EVPL: variants seen among roughly 807,000 people sequenced by gnomAD.
EVPL encodes 210 kDa cornified envelope precursor protein.
EVPL carries 94 observed loss-of-function variants against 129.7 expected under a neutral mutation model. The observed-to-expected ratio is 0.72, with a 90% CI of 0.61 to 0.86. The LOEUF (loss-of-function observed/expected upper bound fraction) is 0.86. Ranked by LOEUF, EVPL falls within the 40% of genes least tolerant of loss-of-function variation. EVPL has a pLI of 0.00. For missense variants in EVPL, 2,625 were observed against 2,721.1 expected (o/e 0.96, Z 0.79); for synonymous variants, 1,172 against 1,191.1 (o/e 0.98, Z 0.33).
rs2066394434 is a variant in EVPL, at chr17:76,013,500, GCT to G, written c.2373+924_2373+925del. Among the ~76,000 whole-genome samples the G allele has an allele frequency of 1.3e-5, 2 of 152,196 alleles. No individual in the cohort carries two copies. The highest frequency in any genetic ancestry group is 1.9e-4 in the East Asian group (1 of 5,174). ...CGGCCCCATTCCTCTCCCCAAATATGCTCTGTTTCCTGTGTTCCCGCCTCAAG... is the reference window on the plus strand; with the variant it reads ...CGGCCCCATTCCTCTCCCCAAATATGCTGTTTCCTGTGTTCCCGCCTCAAG... On this transcript the variant is annotated intron_variant, in intron 18 of 21. Coordinates refer to ENST00000301607, the MANE Select transcript of EVPL (RefSeq NM_001988.4). This position sits in a 1 kb window ranked among gnomAD's most constrained non-coding sequence, Gnocchi z 4.3.
chr17:76,021,893 G>C lies in EVPL; in HGVS notation c.781C>G (p.Pro261Ala). 4 of 1,561,002 alleles carry C rather than the reference G, an allele frequency of 2.6e-6. No individual in the cohort carries two copies. Among genetic ancestry groups the C allele is most frequent in the Non-Finnish European group, 3.4e-6 (4 of 1,160,606 alleles). Residue 261 changes from proline (P) to alanine (A), a missense_variant, in exon 7 of 22, where the codon CCT becomes GCT. This residue lies in a region of EVPL where 1,024 missense variants were observed against 997.5 expected (regional missense o/e 1.03). Transcript: ENST00000301607. ...TCGTACTCCCGCCGCACGCCCGCAG[G>C]GTCGGCCATGAGGTCGCTCCAGTCC... ...QQDWSDLMAD[P>A]AGVRREYEHF...
Position 76,014,902 on chromosome 17 carries a change from AC to A in EVPL, c.2222+13del. 6.4e-7 allele frequency: 1 copy of A among 1,570,742 alleles called. No homozygotes were observed. Among genetic ancestry groups the A allele is most frequent in the Non-Finnish European group, 8.7e-7 (1 of 1,155,804 alleles). ...CCAGCCCACACCCTGTGCCCCGAGG[AC>A]CCAGTCGCTCACCGCAGGTCCAGCT... On this transcript the variant is annotated intron_variant, in intron 17 of 21. Coordinates refer to ENST00000301607, the MANE Select transcript of EVPL (RefSeq NM_001988.4).
At position 76,019,510 on chromosome 17, in the gene EVPL, CT is replaced by C; in HGVS notation, c.1137+17del. ...TTCCCAGAAGTGGGGTGCAGACGGC[CT>C]GGTGGGGTTGTCTCACCTCCAGCTG... On this transcript the variant is annotated intron_variant, in intron 10 of 21. Transcript: ENST00000301607. 1 of 1,541,650 alleles carries C rather than the reference CT, an allele frequency of 6.5e-7. No homozygotes were observed. The highest frequency in any genetic ancestry group is 1.4e-5 in the African/African-American group (1 of 70,742).
At chr17:76,020,680 C>T (rs1193795491) in intron 9 of EVPL, among the ~76,000 whole-genome samples, 2 of 151,854 alleles carry the variant, frequency 1.3e-5, no homozygotes, top group African/African-American at 2.4e-5. Context: ...TTTCCCCCCA[C>T]CTCATCCCCA....
Position 76,009,130 on chromosome 17 carries a change from G to A in EVPL, c.4075C>T (p.Leu1359=). The part of the protein sequence containing the change: ...DAVYELQSKR[L]LLERRKPEEK... ...TCGGGCTTCCTCCTCTCCAGCAGCA[G>A]GCGCTTGCTCTGCAGCTCGTACACC... Residue 1359 remains leucine, a synonymous_variant, in exon 22 of 22, where the codon CTG becomes TTG. Coordinates refer to ENST00000301607, the MANE Select transcript of EVPL (RefSeq NM_001988.4). This position sits in a 1 kb window ranked among gnomAD's most constrained non-coding sequence, Gnocchi z 5.9. 6.2e-7 allele frequency: 1 copy of A among 1,612,668 alleles called. No individual in the cohort carries two copies. Among genetic ancestry groups the A allele is most frequent in the Non-Finnish European group, 8.5e-7 (1 of 1,179,500 alleles).
chr17:76,009,644 C>T lies in EVPL; in HGVS notation c.3561G>A (p.Arg1187=), dbSNP rs768065645. The T allele has an allele frequency of 5.6e-6, 9 of 1,613,818 alleles. No homozygotes were observed. ...CGCGCTCCTGGAGCTGCACTTTGGG[C>T]CTCTGCTTCTCCACCACGCTGTACT... is the stretch of plus-strand genomic sequence containing the variant. ...HSKYSVVEKQ[R]PKVQLQERVH... The change falls in exon 22 of 22, where the codon AGG becomes AGA. Residue 1187 remains arginine (R), a synonymous_variant. Coordinates refer to ENST00000301607, the MANE Select transcript of EVPL (RefSeq NM_001988.4). This position sits in a 1 kb window ranked among gnomAD's most constrained non-coding sequence, Gnocchi z 5.9.
chr17:76,020,573 C>A (rs2066450526), intron 9 of EVPL, among the ~76,000 whole-genome samples: 1 of 151,642 alleles, frequency 6.6e-6, no homozygotes, highest in South Asian at 2.1e-4. Context: ...CATTATCTGC[C>A]CCCAAATCCC....
At position 76,014,433 on chromosome 17, in the gene EVPL, G is replaced by T; in HGVS notation, c.2366C>A (p.Ala789Glu). The T allele has an allele frequency of 4.4e-6, 7 of 1,608,932 alleles. No individual in the cohort carries two copies. Among genetic ancestry groups the T allele is most frequent in the Non-Finnish European group, 5.1e-6 (6 of 1,178,240 alleles). ...GPSQIAYKLQ[A>E]QKRLTQEIQS... ...TCCCTGCCCCAGCCTCACCTTCTGC[G>T]CCTGCAGCTTGTAGGCGATCTGGCT... Residue 789 changes from alanine (A) to glutamate (E), a missense_variant, in exon 18 of 22, where the codon GCG becomes GAG. Physicochemically the swap from Ala to Glu is moderately radical, Grantham distance 107. Transcript: ENST00000301607.
Position 76,023,509 on chromosome 17 carries a change from A to T in EVPL, c.344T>A (p.Ile115Asn). Residue 115 changes from isoleucine (I) to asparagine (N), a missense_variant, in exon 3 of 22, where the codon ATT becomes AAT. By Grantham distance (149) the Ile-to-Asn change is moderately radical. Coordinates refer to ENST00000301607, the MANE Select transcript of EVPL (RefSeq NM_001988.4). ...CCGCAGCTCCACTCACTCCTTCTCA[A>T]TCTCCTCAGCCTGCGGGTGCTTGAG... ...RRLKHPQAEE[I>N]EKDIKQLHER... The T allele has an allele frequency of 6.2e-7, 1 of 1,612,996 alleles. No homozygotes were observed. The highest frequency in any genetic ancestry group is 8.5e-7 in the Non-Finnish European group (1 of 1,179,650).
chr17:76,012,914 T>G (rs569129089), intron 18 of EVPL, among the ~76,000 whole-genome samples: 1 of 151,952 alleles, frequency 6.6e-6, no homozygotes, highest in African/African-American at 2.4e-5. Flanking sequence ...CCGGCTAATT[T>G]TTTGTATTTT....
At chr17:76,012,659 GAGGCAGGC>G (rs1315767304) in intron 18 of EVPL, among the ~76,000 whole-genome samples, 1 of 152,030 alleles carries the variant, frequency 6.6e-6, no homozygotes, top group East Asian at 1.9e-4. Context: ...GGGCCTGTGG[GAGGCAGGC>G]AGGCATGCAG....
chr17:76,026,813 T>C (rs2066501176), intron 1 of EVPL, among the ~76,000 whole-genome samples: 1 of 152,332 alleles, frequency 6.6e-6, no homozygotes, highest in East Asian at 1.9e-4. Flanking sequence ...TGTCCAGCAC[T>C]TCTCCCGCGA....
At position 76,008,741 on chromosome 17, in the gene EVPL, C is replaced by T. The variant is rs1326510591; in HGVS notation, c.4464G>A (p.Glu1488=). ...TEALRWDLDQ[E]KTQVTELNRE... ...GATTCAGCTCGGTTACCTGGGTCTT[C>T]TCCTGGTCCAGGTCCCACCGCAGGG... is the stretch of plus-strand genomic sequence containing the variant. The change falls in exon 22 of 22, where the codon GAG becomes GAA. Residue 1488 remains glutamate (E), a synonymous_variant. Coordinates refer to ENST00000301607, the MANE Select transcript of EVPL (RefSeq NM_001988.4). This position sits in a 1 kb window ranked among gnomAD's most constrained non-coding sequence, Gnocchi z 7.4. 6.2e-7 allele frequency: 1 copy of T among 1,614,134 alleles called. No individual in the cohort carries two copies. The highest frequency in any genetic ancestry group is 1.7e-5 in the Admixed American group (1 of 60,030).
rs1282326660 is a variant in EVPL, at chr17:76,015,323, C to T, written c.1932G>A (p.Ala644=). 2 of 1,603,576 alleles carry T rather than the reference C, an allele frequency of 1.2e-6. No individual in the cohort carries two copies. Among genetic ancestry groups the T allele is most frequent in the Admixed American group, 1.7e-5 (1 of 59,674 alleles). ...CCTCGAAGCCTCGGATGACCCTGTC[C>T]GCATCCTGGATCTGCCGCTCCAGAT... The part of the protein sequence containing the change: ...ALDLERQIQD[A]DRVIRGFEAT... The change falls in exon 16 of 22, where the codon GCG becomes GCA. Residue 644 remains alanine, a synonymous_variant. Coordinates refer to ENST00000301607, the MANE Select transcript of EVPL (RefSeq NM_001988.4).
rs2066397721 is a variant in EVPL at position 76,013,962 on chromosome 17, C to T, written c.2373+464G>A. Among the ~76,000 whole-genome samples the T allele has an allele frequency of 6.6e-6, 1 of 152,100 alleles. No individual in the cohort carries two copies. The highest frequency in any genetic ancestry group is 2.4e-5 in the African/African-American group (1 of 41,422). ...TTTCCCCTGACTGCCATGCCTTCTGCATGGGACATTTCATCCCTCCCCCGG... is the reference window on the plus strand; with the variant it reads ...TTTCCCCTGACTGCCATGCCTTCTGTATGGGACATTTCATCCCTCCCCCGG... On this transcript the variant is annotated intron_variant, in intron 18 of 21. Coordinates refer to ENST00000301607, the MANE Select transcript of EVPL (RefSeq NM_001988.4). This position sits in a 1 kb window ranked among gnomAD's most constrained non-coding sequence, Gnocchi z 4.3.
chr17:76,014,804 G>A lies in EVPL; in HGVS notation c.2222+112C>T, dbSNP rs2144415547. The A allele has an allele frequency of 5.7e-6, 7 of 1,233,782 alleles. No homozygotes were observed. The East Asian group carries it at 7.6e-5, about 13-fold the overall frequency. 76.4% of individuals were successfully genotyped at this position (1,233,782 alleles called of 1,614,324 possible). ...GTTGTTATCCCATTTTAGAGATGAGGAAACAGCTTCAGAGACGTGAAGTCA... is the reference window on the plus strand; with the variant it reads ...GTTGTTATCCCATTTTAGAGATGAGAAAACAGCTTCAGAGACGTGAAGTCA... On this transcript the variant is annotated intron_variant, in intron 17 of 21. Coordinates refer to ENST00000301607, the MANE Select transcript of EVPL (RefSeq NM_001988.4).
intron 9 of EVPL, 102 bp from the exon 10 acceptor site, chr17:76,019,755 A>G: frequency 7.0e-7 from 1 of 1,424,204 alleles, no homozygotes; most frequent in Non-Finnish European, 9.2e-7. Context: ...AAGCAGCTAA[A>G]CCTAAACCAG....
rs146995213 is a variant in EVPL at position 76,008,105 on chromosome 17, G to A, written c.5100C>T (p.Tyr1700=). The A allele has an allele frequency of 2.9e-5, 46 of 1,613,996 alleles. No homozygotes were observed. In the South Asian group the frequency reaches 3.1e-4, roughly 11 times the overall value. Residue 1700 remains tyrosine, a synonymous_variant, in exon 22 of 22, where the codon TAC becomes TAT. Coordinates refer to ENST00000301607, the MANE Select transcript of EVPL (RefSeq NM_001988.4). This position sits in a 1 kb window ranked among gnomAD's most constrained non-coding sequence, Gnocchi z 7.4. ...EPETGKDMSP[Y]EAYKRGIIDR... Reference sequence around the variant, plus strand: ...CGATGATGCCCCTCTTGTAGGCCTCGTATGGGGACATGTCCTTCCCCGTCT... The same window carrying A: ...CGATGATGCCCCTCTTGTAGGCCTCATATGGGGACATGTCCTTCCCCGTCT...
Position 76,007,804 on chromosome 17 carries a change from G to T in EVPL, c.5401C>A (p.Leu1801Ile). ...GTGCTCTGGGGGGCCGGGGAGGCGA[G>T]CGGGGACTTGGAGATGATAGAGCCG... is the stretch of plus-strand genomic sequence containing the variant. Reference protein sequence around the residue: ...SIGSIISKSPLASPAPQSTSF... With the variant: ...SIGSIISKSPIASPAPQSTSF... Residue 1801 changes from leucine to isoleucine, a missense_variant, in exon 22 of 22, where the codon CTC becomes ATC. By Grantham distance (5) the Leu-to-Ile change is conservative. Around this residue, in one of 4 missense-constraint regions of EVPL, gnomAD observed 1,453 missense variants for 1,511.8 expected, o/e 0.96. Coordinates refer to ENST00000301607, the MANE Select transcript of EVPL (RefSeq NM_001988.4). This position sits in a 1 kb window ranked among gnomAD's most constrained non-coding sequence, Gnocchi z 8.8. 6.2e-7 allele frequency: 1 copy of T among 1,611,350 alleles called. No homozygotes were observed. Among genetic ancestry groups the T allele is most frequent in the South Asian group, 1.1e-5 (1 of 90,998 alleles).
Sources: gnomAD v4.1 joint callset for allele counts (sites outside exome capture counted in the v4.1 genomes callset) on GRCh38, gnomAD v4.1.1 for gene constraint, gnomAD v4.1.1 regional missense constraint, Gnocchi (gnomAD v3.1) non-coding constraint, MANE v1.5 for transcripts, NCBI Gene and HGNC (gene_info 2026-07-23, HGNC 2026-07-21) for gene names.